Variants in C6 observed in about 807,000 individuals in gnomAD.
C6 encodes complement component C6.
C6 carries 101 observed loss-of-function variants against 112.9 expected under a neutral mutation model. The ratio of observed to expected loss-of-function variants is 0.89; its 90% CI spans 0.76 to 1.06. The LOEUF is 1.06. Ranked by LOEUF, C6 falls within the 50% of genes least tolerant of loss-of-function variation. The probability of loss-of-function intolerance (pLI) is 0.00; values close to 1 mark genes in which losing one functional copy is unlikely to be tolerated. For synonymous variants in C6, 431 were observed against 384.1 expected (o/e 1.12, Z -1.43); for missense variants, 1,202 against 1,104.6 (o/e 1.09, Z -1.25).
At chr5:41,195,463 C>G (rs558711815) in intron 5 of C6, among the ~76,000 whole-genome samples, 1 of 152,252 alleles carries the variant, frequency 6.6e-6, no homozygotes, top group Non-Finnish European at 1.5e-5. Flanking sequence ...CACCCTGGCA[C>G]CTCCCAGCTT....
At chr5:41,205,027 T>A (rs1751325556) in intron 1 of C6, among the ~76,000 whole-genome samples, 1 of 152,180 alleles carries the variant, frequency 6.6e-6, no homozygotes, top group Non-Finnish European at 1.5e-5. Context: ...TATGGCTGAA[T>A]ATGTCTTTCA....
Position 41,193,795 on chromosome 5 carries a change from A to T in C6, c.587+1997T>A, listed in dbSNP as rs966085970. The stretch of plus-strand genomic sequence containing the variant: ...AAGAAGGTCAGCCACTCAGGAAGCT[A>T]TTTTTTTTTTTTTTTTTTGTGGTTA... On this transcript the variant is annotated intron_variant, in intron 5 of 17. Transcript: ENST00000337836. Among the ~76,000 whole-genome samples the T allele has an allele frequency of 2.5e-4, 35 of 137,370 alleles. No individual in the cohort carries two copies. The South Asian group carries it at 4.5e-3, about 18-fold the overall frequency. The allele number at this position is 137,370 out of a possible 152,430, so 90.1% of individuals were successfully genotyped here.
intron 7 of C6, among the ~76,000 whole-genome samples, chr5:41,178,466 C>CTTTTTTTTT (rs70988836): frequency 1.3e-4 from 13 of 101,592 alleles, no homozygotes; most frequent in South Asian, 3.3e-4. Flanking sequence ...TTTTCTTTTT[C>CTTTTTTTTT]TTTTTTTTTT....
At chr5:41,203,063 G>A (rs1751154191) in intron 2 of C6, 25 bp downstream of exon 2, 2 of 1,613,160 alleles carry the variant, frequency 1.2e-6, no homozygotes, top group African/African-American at 2.7e-5. Context: ...AGGACACAAA[G>A]AAAAGCCACA....
upstream of C6, chr5:41,213,732 T>C (rs1349212952): frequency 2.9e-5 from 5 of 170,480 alleles, no homozygotes; most frequent in Non-Finnish European, 5.9e-5. Context: ...TTTTAAAGAA[T>C]CCTTTAGATT....
At chr5:41,259,337 A>G (rs1043535347) in intron 1 of C6, among the ~76,000 whole-genome samples, 19 of 152,154 alleles carry the variant, frequency 1.2e-4, no homozygotes, top group African/African-American at 4.6e-4. Context: ...TTTACTTTGC[A>G]TTCCTTGGTG....
At chr5:41,202,698 A>T (rs1388314633) in intron 2 of C6, among the ~76,000 whole-genome samples, 1 of 152,214 alleles carries the variant, frequency 6.6e-6, no homozygotes, top group Non-Finnish European at 1.5e-5. Context: ...TCAAGCTAAT[A>T]GCTAGCAGTT....
chr5:41,161,938 T>C lies in C6; in HGVS notation c.1292-79A>G, dbSNP rs993377595. On this transcript the variant is annotated intron_variant, in intron 9 of 17. Transcript: ENST00000337836. ...CTAAAACAAACAAACAAAAACCTATTTGTACAGAAGGGAGAAGTAGATGGT... is the reference window on the plus strand; with the variant it reads ...CTAAAACAAACAAACAAAAACCTATCTGTACAGAAGGGAGAAGTAGATGGT... 1.1e-5 allele frequency: 16 copies of C among 1,426,588 alleles called. No homozygotes were observed. The Admixed American group carries it at 1.9e-4, about 17-fold the overall frequency. 88.4% of individuals were successfully genotyped at this position (1,426,588 alleles called of 1,614,324 possible). A position where few individuals can be genotyped will look rare whatever the true frequency, so the allele number is the denominator to read the frequency against.
intron 16 of C6, 144 bp from the exon 17 acceptor site, chr5:41,149,626 G>C: frequency 9.3e-7 from 1 of 1,073,184 alleles, no homozygotes; most frequent in Admixed American, 1.8e-5. Context: ...GCTTGAGTGA[G>C]AGGAACAGGA....
intron 5 of C6, among the ~76,000 whole-genome samples, chr5:41,192,870 G>A (rs1046978112): frequency 1.3e-5 from 2 of 152,158 alleles, no homozygotes; most frequent in African/African-American, 4.8e-5. Flanking sequence ...TAGGAGTCAG[G>A]TAGAAGGGGG....
chr5:41,197,503 T>C (rs1467329323), intron 4 of C6, among the ~76,000 whole-genome samples: 2 of 152,172 alleles, frequency 1.3e-5, no homozygotes, highest in Non-Finnish European at 2.9e-5. Flanking sequence ...AACCTAGCAC[T>C]TACAAATTTA....
At chr5:41,248,329 T>A (rs1438005445) in intron 1 of C6, among the ~76,000 whole-genome samples, 6 of 152,184 alleles carry the variant, frequency 3.9e-5, no homozygotes, top group Non-Finnish European at 7.3e-5. Context: ...AAGTGGGACT[T>A]AATTAAACTA....
At chr5:41,185,401 T>G (rs1749689183) in intron 6 of C6, among the ~76,000 whole-genome samples, 1 of 152,232 alleles carries the variant, frequency 6.6e-6, no homozygotes, top group Non-Finnish European at 1.5e-5. Context: ...GCTTGTCAAA[T>G]TTCTATGCAT....
intron 8 of C6, among the ~76,000 whole-genome samples, chr5:41,175,092 A>G (rs1748726938): frequency 6.6e-6 from 1 of 152,148 alleles, no homozygotes; most frequent in Admixed American, 6.6e-5. Flanking sequence ...TATACCCTTG[A>G]CCTAAGACCA....
intron 6 of C6, among the ~76,000 whole-genome samples, chr5:41,183,042 C>T (rs961985120): frequency 1.3e-5 from 2 of 152,188 alleles, no homozygotes; most frequent in Non-Finnish European, 2.9e-5. Flanking sequence ...TAACAACTAG[C>T]TCTCTGGGAA....
intron 1 of C6, among the ~76,000 whole-genome samples, chr5:41,253,319 T>C (rs1273345529): frequency 6.6e-6 from 1 of 152,198 alleles, no homozygotes; most frequent in African/African-American, 2.4e-5. Flanking sequence ...TCCTCATACC[T>C]GTGAGCTGAC....
chr5:41,248,413 C>T (rs932387419), intron 1 of C6, among the ~76,000 whole-genome samples: 5 of 152,156 alleles, frequency 3.3e-5, no homozygotes, highest in African/African-American at 1.2e-4. Flanking sequence ...TAAATATTTG[C>T]AAGCTATGCA....
At chr5:41,204,670 C>CTTTTTTT (rs1196116815) in intron 1 of C6, among the ~76,000 whole-genome samples, 3 of 98,574 alleles carry the variant, frequency 3.0e-5, no homozygotes, top group Non-Finnish European at 4.3e-5. Flanking sequence ...TTTTTTTTTT[C>CTTTTTTT]TTTTTTTTTT....
At chr5:41,162,324 T>A (rs899752435) in intron 9 of C6, among the ~76,000 whole-genome samples, 5 of 152,144 alleles carry the variant, frequency 3.3e-5, no homozygotes, top group African/African-American at 1.2e-4. Context: ...CAGAATAAGA[T>A]AAGTCACATG....
Sources: allele counts gnomAD v4.1 joint callset (sites outside exome capture counted in the v4.1 genomes callset), GRCh38; gene constraint gnomAD v4.1.1; transcripts MANE v1.5; gene names NCBI Gene and HGNC (gene_info 2026-07-23, HGNC 2026-07-21).